UQCRH: variants seen among roughly 807,000 people sequenced by gnomAD.
UQCRH encodes cytochrome b-c1 complex subunit 6, mitochondrial.
Under a neutral mutation model 16.3 loss-of-function variants are expected in UQCRH, and 14 were observed. The ratio of observed to expected loss-of-function variants is 0.86; its 90% CI spans 0.57 to 1.34. The LOEUF (loss-of-function observed/expected upper bound fraction) is 1.34, where lower values mean the gene tolerates loss of function less well. Among genes scored for constraint, UQCRH ranks in the 40% most tolerant of loss-of-function variants. The probability of loss-of-function intolerance (pLI) is 0.00; values close to 1 mark genes in which losing one functional copy is unlikely to be tolerated. For missense variants in UQCRH, 89 were observed against 111.9 expected, an observed-to-expected ratio of 0.80 and a Z score of 0.92; for synonymous variants, 41 against 41.9, an observed-to-expected ratio of 0.98 and a Z score of 0.08.
chr1:46,316,578 G>A lies in UQCRH; in HGVS notation c.270G>A (p.Leu90=), dbSNP rs751750348. 2 of 1,612,992 alleles carry A rather than the reference G, an allele frequency of 1.2e-6. No individual in the cohort carries two copies. Among genetic ancestry groups the A allele is most frequent in the East Asian group, 4.5e-5 (2 of 44,868 alleles). ...TGGCCCACAAACTCTTTAACAACTT[G>A]AAATAAATGTGTGGACTTAATTCAC... ...HCVAHKLFNN[L]K The change falls in exon 4 of 4, where the codon TTG becomes TTA. Residue 90 remains leucine, a synonymous_variant. Coordinates refer to ENST00000311672, the MANE Select transcript of UQCRH (RefSeq NM_006004.4).
intron 1 of UQCRH, among the ~76,000 whole-genome samples, chr1:46,304,429 A>G (rs1386591054): frequency 6.7e-6 from 1 of 149,586 alleles, no homozygotes; most frequent in South Asian, 2.1e-4. Flanking sequence ...TCTGTCGCCC[A>G]GGCTGGAGTG....
chr1:46,314,405 T>C (rs1661540461), intron 3 of UQCRH, among the ~76,000 whole-genome samples: 1 of 149,794 alleles, frequency 6.7e-6, no homozygotes, highest in African/African-American at 2.5e-5. Flanking sequence ...GCATAGCAGC[T>C]CATGCCTGTA....
chr1:46,315,000 G>A (rs1010200112), intron 3 of UQCRH, among the ~76,000 whole-genome samples: 2 of 152,302 alleles, frequency 1.3e-5, no homozygotes, highest in South Asian at 2.1e-4. Flanking sequence ...CCACAGAAAT[G>A]TACAGTTAAA....
chr1:46,313,962 T>A (rs1661531435), intron 3 of UQCRH, among the ~76,000 whole-genome samples: 1 of 152,206 alleles, frequency 6.6e-6, no homozygotes. Context: ...AACAGATATT[T>A]CCACATTCAT....
Sources: allele counts gnomAD v4.1 joint callset (sites outside exome capture counted in the v4.1 genomes callset), GRCh38; gene constraint gnomAD v4.1.1; transcripts MANE v1.5; gene names NCBI Gene and HGNC (gene_info 2026-07-23, HGNC 2026-07-21).